Variants in TNRC6B observed in about 807,000 individuals in gnomAD.
TNRC6B encodes trinucleotide repeat containing adaptor 6B, also known as trinucleotide repeat-containing gene 6B protein.
Under a neutral mutation model 203.6 loss-of-function variants are expected in TNRC6B, and 52 were observed. The ratio of observed to expected loss-of-function variants is 0.26; its 90% CI spans 0.20 to 0.32. The LOEUF (loss-of-function observed/expected upper bound fraction) is 0.32. Among genes scored for constraint, TNRC6B ranks in the 10% least tolerant of loss-of-function variants. TNRC6B has a pLI of 1.00. For missense variants in TNRC6B, 1,923 were observed against 2,286.2 expected (o/e 0.84, Z 3.24); for synonymous variants, 838 against 845.7 (o/e 0.99, Z 0.16).
intron 3 of TNRC6B, among the ~76,000 whole-genome samples, chr22:40,137,178 T>C (rs2068607284): frequency 6.6e-6 from 1 of 152,226 alleles, no homozygotes; most frequent in African/African-American, 2.4e-5. Context: ...TCTTTTGCTT[T>C]CCAGAGCTTA....
At chr22:40,051,032 C>T (rs1244301058) in intron 1 of TNRC6B, among the ~76,000 whole-genome samples, 2 of 152,082 alleles carry the variant, frequency 1.3e-5, no homozygotes, top group Admixed American at 6.6e-5. Flanking sequence ...ACCATATTAG[C>T]CAGGCTGGTC....
intron 19 of TNRC6B, among the ~76,000 whole-genome samples, chr22:40,313,834 A>G (rs533279878): frequency 1.6e-4 from 24 of 152,306 alleles, no homozygotes; most frequent in African/African-American, 5.3e-4. Context: ...CTTCCACGTT[A>G]ATTTTTATTT....
upstream of TNRC6B, among the ~76,000 whole-genome samples, chr22:40,175,942 T>G (rs757203173): frequency 6.6e-6 from 1 of 152,040 alleles, no homozygotes; most frequent in Non-Finnish European, 1.5e-5. Context: ...ACAACAAGTG[T>G]TGTGGGATTT....
intron 1 of TNRC6B, among the ~76,000 whole-genome samples, chr22:40,073,322 C>T (rs1219942836): frequency 1.3e-5 from 2 of 152,092 alleles, no homozygotes; most frequent in Non-Finnish European, 2.9e-5. Context: ...AACTCTTTGT[C>T]TTCCTTTAGG....
chr22:40,331,970 C>A lies in TNRC6B; in HGVS notation c.*8729C>A. On this transcript the variant is annotated 3_prime_UTR_variant, in exon 23 of 23. Transcript: ENST00000454349. Reference sequence around the variant, plus strand: ...CCAGGGGGCCTGCAGTTCCTGTCAACCAATGTGGTTCAGGATTCTTGATCC... The same window carrying A: ...CCAGGGGGCCTGCAGTTCCTGTCAAACAATGTGGTTCAGGATTCTTGATCC... 1 of 241,914 alleles carries A rather than the reference C, an allele frequency of 4.1e-6. No homozygotes were observed. The highest frequency in any genetic ancestry group is 7.9e-6 in the Non-Finnish European group (1 of 126,132). 15.0% of individuals were successfully genotyped at this position (241,914 alleles called of 1,614,324 possible).
chr22:40,057,763 A>T (rs991762444), intron 1 of TNRC6B, among the ~76,000 whole-genome samples: 2 of 152,152 alleles, frequency 1.3e-5, no homozygotes, highest in Non-Finnish European at 2.9e-5. Flanking sequence ...GGAGGAAGGC[A>T]ATCCAAAGTA....
rs1601925893 is a variant in TNRC6B at position 40,257,554 on chromosome 22, T to C, written c.116-4278T>C. 4.0e-5 allele frequency among the ~76,000 whole-genome samples: 6 copies of C among 151,640 alleles called. No individual in the cohort carries two copies. The South Asian group carries it at 1.3e-3, about 32-fold the overall frequency. On this transcript the variant is annotated intron_variant, in intron 3 of 22. Coordinates refer to ENST00000454349, the MANE Select transcript of TNRC6B (RefSeq NM_001162501.2). ...CAACATGGTGAAACCCCGTCTCTAC[T>C]AAAAATACAAAATTAGCCGGGTATG...
chr22:40,183,797 C>T (rs935399545), intron 1 of TNRC6B, among the ~76,000 whole-genome samples: 5 of 152,008 alleles, frequency 3.3e-5, no homozygotes, highest in East Asian at 1.9e-4. Context: ...TGGGTTCAAG[C>T]GATGCTTTTG....
At chr22:40,130,775 C>T (rs951719023) in intron 3 of TNRC6B, among the ~76,000 whole-genome samples, 2 of 92,768 alleles carry the variant, frequency 2.2e-5, no homozygotes, top group African/African-American at 8.7e-5. Flanking sequence ...AGGGAGACTC[C>T]GTCTAAAAAA....
intron 3 of TNRC6B, among the ~76,000 whole-genome samples, chr22:40,134,385 A>C (rs1034750359): frequency 2.0e-5 from 3 of 152,234 alleles, no homozygotes; most frequent in African/African-American, 7.2e-5. Context: ...TGTTCTGCAG[A>C]ATACCTGATC....
chr22:40,306,021 G>A (rs1414915553), intron 15 of TNRC6B, among the ~76,000 whole-genome samples: 2 of 152,166 alleles, frequency 1.3e-5, no homozygotes, highest in African/African-American at 2.4e-5. Flanking sequence ...GGCTGGGCGC[G>A]GTGGCTCACA....
chr22:40,262,197 G>T (rs1159016516), intron 4 of TNRC6B, 24 bp downstream of exon 4: 4 of 1,356,810 alleles, frequency 2.9e-6, no homozygotes, highest in Non-Finnish European at 3.8e-6. Context: ...TGAATCGAAT[G>T]CATGGCAGCT....
intron 1 of TNRC6B, among the ~76,000 whole-genome samples, chr22:40,070,207 G>A (rs11912610): frequency 0.031 from 4,740 of 152,172 alleles, 256 homozygotes; most frequent in African/African-American, 0.11. Flanking sequence ...TAATAAAATC[G>A]ATAAGTAACT....
intron 1 of TNRC6B, among the ~76,000 whole-genome samples, chr22:40,109,266 T>C (rs1043754041): frequency 1.3e-5 from 2 of 152,208 alleles, no homozygotes; most frequent in African/African-American, 4.8e-5. Flanking sequence ...ATCTTTATAA[T>C]AGAATGATTT....
intron 1 of TNRC6B, among the ~76,000 whole-genome samples, chr22:40,100,067 A>ATTTAT (rs1555979600): frequency 8.9e-6 from 1 of 112,026 alleles, no homozygotes; most frequent in African/African-American, 3.4e-5. Flanking sequence ...TTTTATTTTT[A>ATTTAT]TTATTTATTT....
chr22:40,248,784 A>G (rs1194939371), intron 2 of TNRC6B, among the ~76,000 whole-genome samples: 2 of 152,246 alleles, frequency 1.3e-5, no homozygotes, highest in African/African-American at 2.4e-5. Flanking sequence ...TAAAAATTCT[A>G]TCGTTTTTGC....
chr22:40,281,106 T>C lies in TNRC6B; in HGVS notation c.3412-13T>C. On this transcript the variant is annotated splice_polypyrimidine_tract_variant and intron_variant, in intron 10 of 22. Transcript: ENST00000454349. ...ACACTCGTTGTGATTGGCTAACTCC[T>C]ACTACTTTTCAGCTGACTTTGCCTT... The C allele has an allele frequency of 1.3e-6, 2 of 1,544,964 alleles. No individual in the cohort carries two copies. The highest frequency in any genetic ancestry group is 1.7e-6 in the Non-Finnish European group (2 of 1,143,742).
chr22:40,229,082 C>T (rs887822279), intron 1 of TNRC6B, among the ~76,000 whole-genome samples: 1 of 152,042 alleles, frequency 6.6e-6, no homozygotes, highest in African/African-American at 2.4e-5. Flanking sequence ...GGTTCAATTG[C>T]CTTATAAACA....
At chr22:40,131,442 G>T (rs2146329245) in intron 3 of TNRC6B, among the ~76,000 whole-genome samples, 1 of 151,282 alleles carries the variant, frequency 6.6e-6, no homozygotes, top group South Asian at 2.1e-4. Context: ...ATATAAAGCA[G>T]GTGATGGTTT....
Sources: gnomAD v4.1 joint callset for allele counts (sites outside exome capture counted in the v4.1 genomes callset) on GRCh38, gnomAD v4.1.1 for gene constraint, MANE v1.5 for transcripts, NCBI Gene and HGNC (gene_info 2026-07-23, HGNC 2026-07-21) for gene names.